SLC22A25: variants seen among roughly 807,000 people sequenced by gnomAD.
The protein encoded by SLC22A25 is solute carrier family 22 member 25, also known as MGI:2442751, MGI:2385316, MGI:3042283, MGI:3645714, MGI:3605624, MGI:2442750.
In SLC22A25, 44 loss-of-function variants were observed where a neutral mutation model predicts 45.9. The ratio of observed to expected loss-of-function variants is 0.96; its 90% CI spans 0.75 to 1.23. SLC22A25 has a LOEUF of 1.23. Ranked by LOEUF, SLC22A25 falls within the 50% of genes most tolerant of loss-of-function variation. SLC22A25 has a pLI of 0.00. For synonymous variants in SLC22A25, 283 were observed against 238.6 expected (o/e 1.19, Z -1.72); for missense variants, 800 against 666.4 (o/e 1.20, Z -2.21).
chr11:63,162,629 T>C lies in SLC22A25; in HGVS notation c.*1195A>G, dbSNP rs975066362. On this transcript the variant is annotated 3_prime_UTR_variant, in exon 12 of 12. Transcript: ENST00000306494. ...TAAGGAAGAATCATTGTTTTAAATA[T>C]TATTCCATCTTCATATCCAGAAACA... Among the ~76,000 whole-genome samples the C allele has an allele frequency of 1.3e-5, 2 of 152,182 alleles. No individual in the cohort carries two copies. Among genetic ancestry groups the C allele is most frequent in the Non-Finnish European group, 2.9e-5 (2 of 68,034 alleles).
chr11:63,189,891 G>A (rs547549640), intron 7 of SLC22A25, among the ~76,000 whole-genome samples: 3 of 152,222 alleles, frequency 2.0e-5, no homozygotes, highest in Non-Finnish European at 4.4e-5. Flanking sequence ...CTTCTGGCTT[G>A]TAGAGTTTCT....
intron 7 of SLC22A25, among the ~76,000 whole-genome samples, chr11:63,213,426 C>A (rs1471434587): frequency 6.6e-6 from 1 of 152,206 alleles, no homozygotes; most frequent in Admixed American, 6.5e-5. Context: ...TGGTAGCTTA[C>A]TGGACCTTCA....
At chr11:63,234,326 T>C (rs1224580441) in intron 3 of SLC22A25, among the ~76,000 whole-genome samples, 1 of 152,356 alleles carries the variant, frequency 6.6e-6, no homozygotes, top group Non-Finnish European at 1.5e-5. Context: ...TGCTCCTGTA[T>C]TGGGCACATA....
intron 7 of SLC22A25, among the ~76,000 whole-genome samples, chr11:63,187,555 G>A (rs2088609575): frequency 1.3e-5 from 2 of 152,110 alleles, no homozygotes; most frequent in African/African-American, 4.8e-5. Flanking sequence ...CTGCCTGATT[G>A]CCCTGGCCAG....
rs760208967 is a variant in SLC22A25 at position 63,160,425 on chromosome 11, C to T, written c.*3399G>A. Among the ~76,000 whole-genome samples the T allele has an allele frequency of 6.6e-6, 1 of 152,124 alleles. No homozygotes were observed. Among genetic ancestry groups the T allele is most frequent in the East Asian group, 1.9e-4 (1 of 5,174 alleles). On this transcript the variant is annotated 3_prime_UTR_variant, in exon 12 of 12. Coordinates refer to ENST00000306494, the MANE Select transcript of SLC22A25 (RefSeq NM_199352.6). ...CCATGTGGTGTTGAGCCTACAGGTG[C>T]AAAGAAGTCAAGAATTGAGGTTTGG...
At position 63,163,749 on chromosome 11, in the gene SLC22A25, A is replaced by G. The variant is rs2087579095; in HGVS notation, c.*75T>C. ...CACCAAAGGCAAAGGCACTGACTACATGGGAATAGCCCAGATCTAAGCCTT... is the reference window on the plus strand; with the variant it reads ...CACCAAAGGCAAAGGCACTGACTACGTGGGAATAGCCCAGATCTAAGCCTT... On this transcript the variant is annotated 3_prime_UTR_variant, in exon 12 of 12. Coordinates refer to ENST00000306494, the MANE Select transcript of SLC22A25 (RefSeq NM_199352.6). 1 of 1,530,622 alleles carries G rather than the reference A, an allele frequency of 6.5e-7. No individual in the cohort carries two copies. Among genetic ancestry groups the G allele is most frequent in the Non-Finnish European group, 8.8e-7 (1 of 1,141,948 alleles). 94.8% of individuals were successfully genotyped at this position (1,530,622 alleles called of 1,614,324 possible). A position where few individuals can be genotyped will look rare whatever the true frequency, so the allele number is the denominator to read the frequency against.
Position 63,238,007 on chromosome 11 carries a change from G to A in SLC22A25, c.-571C>T, listed in dbSNP as rs901485440. On this transcript the variant is annotated 5_prime_UTR_variant, in exon 3 of 12. Coordinates refer to ENST00000306494, the MANE Select transcript of SLC22A25 (RefSeq NM_199352.6). The stretch of plus-strand genomic sequence containing the variant: ...TCAGTGACTGAGATCCACATACCAG[G>A]TCCCACTAGAAGAAATAAAAACCAG... The A allele has an allele frequency of 6.6e-6, 1 of 152,224 alleles. No homozygotes were observed. Among genetic ancestry groups the A allele is most frequent in the Non-Finnish European group, 1.5e-5 (1 of 68,042 alleles). The allele number at this position is 152,224 out of a possible 1,614,324, so 9.4% of individuals were successfully genotyped here. A position where few individuals can be genotyped will look rare whatever the true frequency, so the allele number is the denominator to read the frequency against.
intron 3 of SLC22A25, among the ~76,000 whole-genome samples, chr11:63,236,056 G>T (rs1230976953): frequency 6.6e-6 from 1 of 151,026 alleles, no homozygotes; most frequent in Non-Finnish European, 1.5e-5. Flanking sequence ...CACCCCTAAT[G>T]GGGGGTGCCT....
chr11:63,202,768 GA>G (rs887729762), intron 7 of SLC22A25, among the ~76,000 whole-genome samples: 4 of 152,254 alleles, frequency 2.6e-5, no homozygotes, highest in Admixed American at 2.0e-4. Context: ...TGGCTCTGAA[GA>G]GAGCAGTGGA....
At chr11:63,209,404 T>G (rs1299189049) in intron 7 of SLC22A25, among the ~76,000 whole-genome samples, 1 of 152,058 alleles carries the variant, frequency 6.6e-6, no homozygotes, top group Non-Finnish European at 1.5e-5. Flanking sequence ...CCCCCATATG[T>G]GCCAGTCTAC....
At chr11:63,220,061 C>G (rs1001837428) in intron 5 of SLC22A25, 4 of 1,208,878 alleles carry the variant, frequency 3.3e-6, no homozygotes, top group Non-Finnish European at 4.4e-6. Flanking sequence ...AGAGGGTACC[C>G]CAAACTTCTC....
chr11:63,212,741 AT>A (rs888079195), intron 7 of SLC22A25, among the ~76,000 whole-genome samples: 7 of 151,858 alleles, frequency 4.6e-5, no homozygotes, highest in Admixed American at 6.6e-5. Context: ...AACATGGCTT[AT>A]GTATACATAT....
chr11:63,206,996 T>A (rs528806124), intron 7 of SLC22A25, among the ~76,000 whole-genome samples: 118 of 152,276 alleles, frequency 7.7e-4, no homozygotes, highest in African/African-American at 2.7e-3. Flanking sequence ...AACCATCTGA[T>A]CTTTGATAAA....
intron 7 of SLC22A25, among the ~76,000 whole-genome samples, chr11:63,207,965 C>T (rs1022593180): frequency 6.6e-6 from 1 of 152,198 alleles, no homozygotes; most frequent in African/African-American, 2.4e-5. Context: ...GTTCAGGGCT[C>T]AGTCCTTTGG....
chr11:63,193,531 G>A (rs2088890489), intron 7 of SLC22A25, among the ~76,000 whole-genome samples: 1 of 152,244 alleles, frequency 6.6e-6, no homozygotes, highest in African/African-American at 2.4e-5. Flanking sequence ...GGTCTGGAGT[G>A]GACCTCCAGC....
intron 9 of SLC22A25, chr11:63,166,497 G>C: frequency 8.0e-7 from 1 of 1,249,616 alleles, no homozygotes; most frequent in Non-Finnish European, 1.0e-6. Context: ...GTGCTATGGG[G>C]TTTATTTATT....
chr11:63,236,402 A>G (rs1156758083), intron 3 of SLC22A25, among the ~76,000 whole-genome samples: 2 of 152,160 alleles, frequency 1.3e-5, no homozygotes, highest in Non-Finnish European at 2.9e-5. Flanking sequence ...CTGCTGTGCT[A>G]GCAATGAGTG....
At chr11:63,177,381 TGTGTC>T (rs1565070089) in intron 9 of SLC22A25, among the ~76,000 whole-genome samples, 2 of 135,238 alleles carry the variant, frequency 1.5e-5, no homozygotes, top group Admixed American at 1.5e-4. Context: ...TGTGTGTGTG[TGTGTC>T]GAGAACATTT....
chr11:63,187,331 A>G (rs1481952791), intron 7 of SLC22A25, among the ~76,000 whole-genome samples: 4 of 151,996 alleles, frequency 2.6e-5, no homozygotes, highest in Non-Finnish European at 4.4e-5. Flanking sequence ...TTCACTCATG[A>G]TTTGGCTCTC....
Sources: allele counts gnomAD v4.1 joint callset (sites outside exome capture counted in the v4.1 genomes callset), GRCh38; gene constraint gnomAD v4.1.1; transcripts MANE v1.5; gene names NCBI Gene and HGNC (gene_info 2026-07-23, HGNC 2026-07-21).